The following MINDY3 variants were observed in gnomAD, a reference collection of about 807,000 sequenced individuals.
MINDY3 encodes MINDY lysine 48 deubiquitinase 3.
MINDY3 carries 38 observed loss-of-function variants against 69.2 expected under a neutral mutation model. That is an observed-to-expected ratio of 0.55 (90% confidence interval 0.42 to 0.72). MINDY3 has a LOEUF of 0.72. Ranked by LOEUF, MINDY3 falls within the 30% of genes least tolerant of loss-of-function variation. The pLI is 0.00. For missense variants in MINDY3, 522 were observed against 519.0 expected, an observed-to-expected ratio of 1.01 and a Z score of -0.06; for synonymous variants, 192 against 180.1, an observed-to-expected ratio of 1.07 and a Z score of -0.53.
At chr10:15,838,178 T>C in intron 5 of MINDY3, 50 bp downstream of exon 5, 1 of 1,557,614 alleles carries the variant, frequency 6.4e-7, no homozygotes, top group Non-Finnish European at 8.7e-7. Context: ...AGACTTAAAG[T>C]GGCAATGTGT....
intron 14 of MINDY3, among the ~76,000 whole-genome samples, chr10:15,779,629 G>A (rs1234015622): frequency 6.6e-6 from 1 of 152,102 alleles, no homozygotes. Flanking sequence ...TTCTAGAGCT[G>A]AAACCAATTT....
intron 10 of MINDY3, among the ~76,000 whole-genome samples, chr10:15,801,118 G>C (rs1179811040): frequency 1.3e-5 from 2 of 152,094 alleles, no homozygotes; most frequent in African/African-American, 4.8e-5. Context: ...GAAAATCTTT[G>C]AGAAGAAAGA....
intron 11 of MINDY3, among the ~76,000 whole-genome samples, chr10:15,793,511 C>A (rs983992405): frequency 1.4e-4 from 22 of 151,998 alleles, no homozygotes; most frequent in African/African-American, 5.1e-4. Context: ...CAACTAGAAG[C>A]GAGAATATCA....
At chr10:15,854,839 T>C (rs1271215586) in intron 1 of MINDY3, among the ~76,000 whole-genome samples, 3 of 151,958 alleles carry the variant, frequency 2.0e-5, no homozygotes, top group Admixed American at 6.6e-5. Context: ...ACAAATTTAA[T>C]AAGAAAGTGA....
chr10:15,795,633 A>C (rs897759984), intron 11 of MINDY3, among the ~76,000 whole-genome samples: 1 of 152,042 alleles, frequency 6.6e-6, no homozygotes, highest in Non-Finnish European at 1.5e-5. Context: ...ATATATGTGA[A>C]CTTCTAAAAA....
rs372586893 is a variant in MINDY3 at position 15,825,031 on chromosome 10, CAT to C, written c.731-3307_731-3306del. On this transcript the variant is annotated intron_variant, in intron 8 of 14. Coordinates refer to ENST00000277632, the MANE Select transcript of MINDY3 (RefSeq NM_024948.4). Reference sequence around the variant, plus strand: ...ATACAGTGAGGATTTAATATTCTCACATGTTACGATTTATAGAATTTATTTGT... The same window carrying C: ...ATACAGTGAGGATTTAATATTCTCACGTTACGATTTATAGAATTTATTTGT... Among the ~76,000 whole-genome samples, 490 of 152,266 alleles carry C rather than the reference CAT, an allele frequency of 3.2e-3. 2 individuals carry two copies. The highest frequency in any genetic ancestry group is 3.9e-3 in the African/African-American group (160 of 41,556).
At chr10:15,845,762 C>T (rs1173445855) in intron 2 of MINDY3, among the ~76,000 whole-genome samples, 1 of 151,292 alleles carries the variant, frequency 6.6e-6, no homozygotes, top group East Asian at 1.9e-4. Context: ...TTCCCTCAGC[C>T]TCCCAAAGTG....
intron 14 of MINDY3, among the ~76,000 whole-genome samples, chr10:15,781,878 T>C (rs1332422883): frequency 6.6e-6 from 1 of 152,176 alleles, no homozygotes; most frequent in Admixed American, 6.5e-5. Flanking sequence ...ACGATGTTGA[T>C]TTAGAAACAC....
intron 9 of MINDY3, 43 bp from the exon 10 acceptor site, chr10:15,816,958 A>T (rs776366672): frequency 1.4e-6 from 2 of 1,385,806 alleles, no homozygotes; most frequent in East Asian, 4.6e-5. Flanking sequence ...ACAAATTAAA[A>T]ATTTATACTG....
chr10:15,791,664 T>C (rs1396543719), intron 11 of MINDY3, among the ~76,000 whole-genome samples: 1 of 152,066 alleles, frequency 6.6e-6, no homozygotes, highest in Non-Finnish European at 1.5e-5. Context: ...TAAAAGATTT[T>C]TACCAGTTGA....
At chr10:15,809,251 G>A (rs1838836689) in intron 10 of MINDY3, among the ~76,000 whole-genome samples, 1 of 152,146 alleles carries the variant, frequency 6.6e-6, no homozygotes. Context: ...GGATTATTAT[G>A]AAAGACCTGA....
At position 15,793,126 on chromosome 10, in the gene MINDY3, T is replaced by A. The variant is rs149493913; in HGVS notation, c.955+2974A>T. On this transcript the variant is annotated intron_variant, in intron 11 of 14. Coordinates refer to ENST00000277632, the MANE Select transcript of MINDY3 (RefSeq NM_024948.4). ...TATATCTTTATCAATCATTTTACAA[T>A]AATTCCTATAAAACATGTACCTGAA... 2.0e-5 allele frequency among the ~76,000 whole-genome samples: 3 copies of A among 152,252 alleles called. No homozygotes were observed. The East Asian group carries it at 5.8e-4, about 29-fold the overall frequency.
At chr10:15,841,276 TA>T in intron 4 of MINDY3, 149 bp downstream of exon 4, 2 of 622,014 alleles carry the variant, frequency 3.2e-6, no homozygotes, top group Non-Finnish European at 5.3e-6. Context: ...GATATGGAAA[TA>T]AAAAATAGTG....
intron 1 of MINDY3, among the ~76,000 whole-genome samples, chr10:15,849,384 G>T (rs1009494929): frequency 3.9e-5 from 6 of 151,918 alleles, no homozygotes; most frequent in Admixed American, 6.6e-5. Context: ...ATTGCAAAGG[G>T]CCAAAGAACC....
intron 10 of MINDY3, among the ~76,000 whole-genome samples, chr10:15,813,561 C>T (rs531536636): frequency 2.0e-5 from 3 of 152,226 alleles, no homozygotes; most frequent in East Asian, 1.9e-4. Flanking sequence ...AGGAGAATGT[C>T]CGCCTCCATT....
Position 15,847,961 on chromosome 10 carries a change from T to G in MINDY3, c.95-18A>C. The G allele has an allele frequency of 6.3e-7, 1 of 1,586,638 alleles. No individual in the cohort carries two copies. Among genetic ancestry groups the G allele is most frequent in the East Asian group, 2.2e-5 (1 of 44,706 alleles). On this transcript the variant is annotated intron_variant, in intron 1 of 14. Coordinates refer to ENST00000277632, the MANE Select transcript of MINDY3 (RefSeq NM_024948.4). Reference sequence around the variant, plus strand: ...CACAAACCCTAAAAATGAAAGCAAGTAGGAAAGATTAAAAATATAATTCAA... The same window carrying G: ...CACAAACCCTAAAAATGAAAGCAAGGAGGAAAGATTAAAAATATAATTCAA...
At chr10:15,847,787 T>C in intron 2 of MINDY3, 77 bp downstream of exon 2, 1 of 968,326 alleles carries the variant, frequency 1.0e-6, no homozygotes, top group Non-Finnish European at 1.7e-6. Context: ...CTATATGGAG[T>C]ACAGACATTA....
rs546060694 is a variant in MINDY3, at chr10:15,830,157, C to G, written c.730+3473G>C. Among the ~76,000 whole-genome samples, 12 of 152,248 alleles carry G rather than the reference C, an allele frequency of 7.9e-5. No homozygotes were observed. In the South Asian group the frequency reaches 2.5e-3, roughly 32 times the overall value. On this transcript the variant is annotated intron_variant, in intron 8 of 14. Coordinates refer to ENST00000277632, the MANE Select transcript of MINDY3 (RefSeq NM_024948.4). ...AAGCTGCATAACCAATGTCTGCCCT[C>G]AAGTGTTTCAATTTTCTATAAAGGG...
In MINDY3 at chr10:15,789,374, CT is replaced by C; in HGVS notation, c.956-56del. The stretch of plus-strand genomic sequence containing the variant: ...AAATAAGAATTTACTTCAAGAAATG[CT>C]ATTAATGCTGATCAGGTTCCAGGAA... On this transcript the variant is annotated intron_variant, in intron 11 of 14. Coordinates refer to ENST00000277632, the MANE Select transcript of MINDY3 (RefSeq NM_024948.4). 3 of 1,327,754 alleles carry C rather than the reference CT, an allele frequency of 2.3e-6. No homozygotes were observed. In the South Asian group the frequency reaches 3.6e-5, roughly 16 times the overall value. 82.2% of individuals were successfully genotyped at this position (1,327,754 alleles called of 1,614,324 possible).
Sources: gnomAD v4.1 joint callset for allele counts (sites outside exome capture counted in the v4.1 genomes callset) on GRCh38, gnomAD v4.1.1 for gene constraint, MANE v1.5 for transcripts, NCBI Gene and HGNC (gene_info 2026-07-23, HGNC 2026-07-21) for gene names.